Variants in OTOP1 observed in about 807,000 individuals in gnomAD.
OTOP1 encodes otopetrin 1, also known as proton channel OTOP1.
Under a neutral mutation model 52.9 loss-of-function variants are expected in OTOP1, and 59 were observed. That is an observed-to-expected ratio of 1.12 (90% CI 0.91 to 1.39). OTOP1 has a LOEUF of 1.39. OTOP1 is among the 40% of genes most tolerant of loss of function. The pLI is 0.00. For synonymous variants in OTOP1, 317 were observed against 337.7 expected, an observed-to-expected ratio of 0.94 and a Z score of 0.67; for missense variants, 761 against 800.9, an observed-to-expected ratio of 0.95 and a Z score of 0.60.
chr4:4,220,235 T>C (rs1717272274), intron 1 of OTOP1, among the ~76,000 whole-genome samples: 1 of 151,328 alleles, frequency 6.6e-6, no homozygotes, highest in Non-Finnish European at 1.5e-5. Flanking sequence ...CCCTGCTTTA[T>C]ATATTTAACT....
intron 1 of OTOP1, among the ~76,000 whole-genome samples, chr4:4,219,918 T>C (rs1294851589): frequency 7.0e-6 from 1 of 142,506 alleles, no homozygotes; most frequent in East Asian, 2.0e-4. Context: ...TGTGTGTATA[T>C]ACGTATACAT....
At chr4:4,199,692 C>A (rs1451902160) in intron 4 of OTOP1, among the ~76,000 whole-genome samples, 1 of 152,176 alleles carries the variant, frequency 6.6e-6, no homozygotes, top group Non-Finnish European at 1.5e-5. Flanking sequence ...GGATTAAAAG[C>A]ATGAGCCACC....
chr4:4,199,323 G>C (rs1716726628), intron 4 of OTOP1, among the ~76,000 whole-genome samples: 1 of 150,634 alleles, frequency 6.6e-6, no homozygotes. Flanking sequence ...GTAAATTTTA[G>C]TGTATCACAA....
chr4:4,193,209 A>C (rs532719289), intron 5 of OTOP1, among the ~76,000 whole-genome samples: 1 of 152,008 alleles, frequency 6.6e-6, no homozygotes, highest in African/African-American at 2.4e-5. Context: ...ATATCCAGTG[A>C]GCCCTGCCTT....
intron 4 of OTOP1, among the ~76,000 whole-genome samples, chr4:4,199,348 A>G (rs1029467034): frequency 1.9e-4 from 29 of 151,854 alleles, no homozygotes; most frequent in South Asian, 4.2e-4. Context: ...GAGATACTAA[A>G]CAGCCACTGC....
intron 1 of OTOP1, among the ~76,000 whole-genome samples, chr4:4,213,372 A>G (rs1717065741): frequency 6.6e-6 from 1 of 152,270 alleles, no homozygotes; most frequent in Non-Finnish European, 1.5e-5. Context: ...AAATGCAAGC[A>G]ACAAAAATTA....
intron 1 of OTOP1, among the ~76,000 whole-genome samples, chr4:4,221,996 C>T (rs956960470): frequency 6.6e-6 from 1 of 152,132 alleles, no homozygotes; most frequent in Non-Finnish European, 1.5e-5. Context: ...CCTGGAGCTT[C>T]TATCTTCACT....
chr4:4,209,644 A>C (rs1312101047), intron 2 of OTOP1, among the ~76,000 whole-genome samples: 1 of 152,088 alleles, frequency 6.6e-6, no homozygotes, highest in Non-Finnish European at 1.5e-5. Flanking sequence ...CTTTTCATAC[A>C]TCTGTGCCTT....
intron 1 of OTOP1, among the ~76,000 whole-genome samples, chr4:4,213,509 T>C (rs1357473927): frequency 2.0e-5 from 3 of 152,152 alleles, no homozygotes; most frequent in Admixed American, 1.3e-4. Flanking sequence ...GTCATTAATA[T>C]CCACAATATA....
intron 1 of OTOP1, among the ~76,000 whole-genome samples, chr4:4,222,991 A>G (rs902138109): frequency 3.3e-5 from 5 of 152,212 alleles, no homozygotes; most frequent in African/African-American, 1.2e-4. Context: ...ACTGATGAGG[A>G]AAGCAGGACT....
intron 5 of OTOP1, among the ~76,000 whole-genome samples, chr4:4,190,832 C>T (rs1308928938): frequency 6.6e-6 from 1 of 152,136 alleles, no homozygotes. Context: ...GTCTCCTTTG[C>T]CATTTCATCC....
At chr4:4,213,045 G>T (rs1488377504) in intron 1 of OTOP1, 41 bp from the exon 2 acceptor site, 1 of 1,598,150 alleles carries the variant, frequency 6.3e-7, no homozygotes, top group African/African-American at 1.3e-5. Flanking sequence ...CACACACATT[G>T]CATTAACATA....
chr4:4,219,459 T>A (rs1410430995), intron 1 of OTOP1, among the ~76,000 whole-genome samples: 1 of 151,868 alleles, frequency 6.6e-6, no homozygotes, highest in Admixed American at 6.6e-5. Flanking sequence ...CCCAGCACTT[T>A]GGGAGGCCGA....
At position 4,226,333 on chromosome 4, in the gene OTOP1, A is replaced by T. The variant is rs546084187; in HGVS notation, c.403+129T>A. The stretch of plus-strand genomic sequence containing the variant: ...AGGGCAGACAGGAAAGCTAGGAAAG[A>T]TGCACAGAGAGACCAAGGCAGAAAA... On this transcript the variant is annotated intron_variant, in intron 1 of 5. Transcript: ENST00000296358. The T allele has an allele frequency of 3.1e-5, 29 of 922,196 alleles. No homozygotes were observed. The South Asian group carries it at 6.2e-4, about 20-fold the overall frequency. 57.1% of individuals were successfully genotyped at this position (922,196 alleles called of 1,614,324 possible).
intron 5 of OTOP1, among the ~76,000 whole-genome samples, chr4:4,196,255 CA>C (rs889859626): frequency 2.9e-4 from 43 of 150,412 alleles, no homozygotes; most frequent in African/African-American, 9.0e-4. Context: ...CCTATCTCTA[CA>C]AAAAAAAAGT....
intron 4 of OTOP1, among the ~76,000 whole-genome samples, chr4:4,202,215 T>C (rs1716802998): frequency 6.6e-6 from 1 of 152,222 alleles, no homozygotes; most frequent in Admixed American, 6.5e-5. Context: ...ACCGTGGGTC[T>C]TACAAGTCCC....
At chr4:4,199,846 T>G (rs1437215877) in intron 4 of OTOP1, among the ~76,000 whole-genome samples, 1 of 152,210 alleles carries the variant, frequency 6.6e-6, no homozygotes, top group Non-Finnish European at 1.5e-5. Context: ...GCGACCAACT[T>G]TTTTGTAGCA....
intron 4 of OTOP1, among the ~76,000 whole-genome samples, chr4:4,199,220 T>TTGTCTGTGTGTG (rs1716720656): frequency 1.8e-5 from 1 of 54,158 alleles, no homozygotes; most frequent in African/African-American, 8.8e-5. Flanking sequence ...TCAGGTAAAA[T>TTGTCTGTGTGTG]TGTGTGTGTG....
chr4:4,199,233 T>TGTGAGA lies in OTOP1; in HGVS notation c.731-1131_731-1130insTCTCAC, dbSNP rs1212354837. On this transcript the variant is annotated intron_variant, in intron 4 of 5. Coordinates refer to ENST00000296358, the MANE Select transcript of OTOP1 (RefSeq NM_177998.3). ...ACTCAGGTAAAATTGTGTGTGTGTGTGAGAGAGAGAGAGAGAGAGAGAGAG... is the reference window on the plus strand; with the variant it reads ...ACTCAGGTAAAATTGTGTGTGTGTGTGTGAGAGAGAGAGAGAGAGAGAGAGAGAGAG... 5.4e-4 allele frequency among the ~76,000 whole-genome samples: 53 copies of TGTGAGA among 98,562 alleles called. 2 individuals carry two copies. The highest frequency in any genetic ancestry group is 2.3e-3 in the African/African-American group (51 of 22,630). The allele number at this position is 98,562 out of a possible 152,430, so 64.7% of individuals were successfully genotyped here.
Sources: gnomAD v4.1 joint callset for allele counts (sites outside exome capture counted in the v4.1 genomes callset) on GRCh38, gnomAD v4.1.1 for gene constraint, MANE v1.5 for transcripts, NCBI Gene and HGNC (gene_info 2026-07-23, HGNC 2026-07-21) for gene names.